DPH6: variants seen among roughly 807,000 people sequenced by gnomAD.
The protein encoded by DPH6 is diphthamine biosynthesis 6, also known as diphthine--ammonia ligase.
In DPH6, 33 loss-of-function variants were observed where a neutral mutation model predicts 38.2. The ratio of observed to expected loss-of-function variants is 0.86; its 90% CI spans 0.65 to 1.15. The LOEUF (loss-of-function observed/expected upper bound fraction) is 1.15. Ranked by LOEUF, DPH6 falls within the 50% of genes most tolerant of loss-of-function variation. The pLI is 0.00. For synonymous variants in DPH6, 108 were observed against 103.0 expected (o/e 1.05, Z -0.30); for missense variants, 325 against 320.0 (o/e 1.02, Z -0.12).
At chr15:35,289,790 G>A (rs1167026820) in intron 3 of DPH6, among the ~76,000 whole-genome samples, 1 of 152,146 alleles carries the variant, frequency 6.6e-6, no homozygotes, top group African/African-American at 2.4e-5. Context: ...CAAAATAAAG[G>A]TTTTAAATAC....
chr15:35,293,868 C>A (rs561707424), intron 3 of DPH6, among the ~76,000 whole-genome samples: 2 of 152,270 alleles, frequency 1.3e-5, no homozygotes, highest in Admixed American at 6.5e-5. Flanking sequence ...GGACTTTTGT[C>A]CAAGATTAGC....
intron 3 of DPH6, among the ~76,000 whole-genome samples, chr15:35,311,062 AAAC>A (rs10648219): frequency 2.7e-5 from 4 of 150,584 alleles, no homozygotes; most frequent in African/African-American, 7.5e-5. Flanking sequence ...GCCACCTCAA[AAAC>A]AACAACAACA....
At chr15:35,263,573 T>G (rs1001662871) in intron 3 of DPH6, among the ~76,000 whole-genome samples, 1 of 151,662 alleles carries the variant, frequency 6.6e-6, no homozygotes, top group Non-Finnish European at 1.5e-5. Flanking sequence ...TGTCTAACTT[T>G]TTATTTTTAT....
chr15:35,162,192 A>G, the DPH6 span, among the ~76,000 whole-genome samples: 1 of 151,924 alleles, frequency 6.6e-6, no homozygotes, highest in African/African-American at 2.4e-5. Flanking sequence ...CCAGTCTTTC[A>G]CATGCCCAAG....
At chr15:35,447,744 C>G in intron 5 of DPH6, among the ~76,000 whole-genome samples, 1 of 152,076 alleles carries the variant, frequency 6.6e-6, no homozygotes. Flanking sequence ...ACAACACTTT[C>G]CTTTGGTATG....
the DPH6 span, among the ~76,000 whole-genome samples, chr15:35,185,807 A>G: frequency 7.3e-6 from 1 of 136,450 alleles, no homozygotes; most frequent in African/African-American, 2.8e-5. Context: ...TCATCGGCTC[A>G]CTGCAAGCTC....
chr15:35,299,605 G>A (rs2052041341), intron 3 of DPH6, among the ~76,000 whole-genome samples: 1 of 152,134 alleles, frequency 6.6e-6, no homozygotes, highest in Non-Finnish European at 1.5e-5. Context: ...CTGGGAGAGC[G>A]CGCCCCATCT....
At chr15:35,164,286 T>A in the DPH6 span, among the ~76,000 whole-genome samples, 1 of 151,916 alleles carries the variant, frequency 6.6e-6, no homozygotes, top group Non-Finnish European at 1.5e-5. Context: ...CTACTTTCAT[T>A]TTTTAAAATG....
At chr15:35,416,532 C>T (rs2141004644) in intron 5 of DPH6, among the ~76,000 whole-genome samples, 1 of 152,040 alleles carries the variant, frequency 6.6e-6, no homozygotes, top group East Asian at 1.9e-4. Context: ...ATATAATAGC[C>T]TGCAGACTCT....
intron 3 of DPH6, among the ~76,000 whole-genome samples, chr15:35,361,038 C>A (rs1427111274): frequency 6.6e-6 from 1 of 152,156 alleles, no homozygotes; most frequent in Non-Finnish European, 1.5e-5. Context: ...AAGGTATAAG[C>A]CAACCTGATT....
Position 35,387,615 on chromosome 15 carries a change from C to G in DPH6, c.568-5699G>C, listed in dbSNP as rs1230494762. 4.6e-5 allele frequency among the ~76,000 whole-genome samples: 7 copies of G among 152,120 alleles called. No homozygotes were observed. The South Asian group carries it at 6.2e-4, about 14-fold the overall frequency. The stretch of plus-strand genomic sequence containing the variant: ...TTCTGTTTGAAGCAATTGTGAATGG[C>G]AGTTCACTCATGATTTGGCTCTCTG... On this transcript the variant is annotated intron_variant, in intron 6 of 8. Coordinates refer to ENST00000256538, the MANE Select transcript of DPH6 (RefSeq NM_080650.4).
chr15:35,185,688 TG>T, the DPH6 span, among the ~76,000 whole-genome samples: 1 of 150,910 alleles, frequency 6.6e-6, no homozygotes, highest in Non-Finnish European at 1.5e-5. Flanking sequence ...AATTATAGAC[TG>T]GACAAAGTCA....
the DPH6 span, among the ~76,000 whole-genome samples, chr15:35,209,614 G>C: frequency 1.3e-5 from 2 of 152,046 alleles, no homozygotes; most frequent in South Asian, 4.1e-4. Context: ...GTGATACATG[G>C]GCAGAAATAT....
downstream of DPH6, among the ~76,000 whole-genome samples, chr15:35,216,752 G>A (rs956198483): frequency 2.0e-5 from 3 of 152,162 alleles, no homozygotes; most frequent in Non-Finnish European, 4.4e-5. Flanking sequence ...CATGCCAAGA[G>A]GGCCATTGAA....
chr15:35,322,522 T>G (rs2052249572), intron 3 of DPH6, among the ~76,000 whole-genome samples: 1 of 152,216 alleles, frequency 6.6e-6, no homozygotes, highest in Non-Finnish European at 1.5e-5. Context: ...TTTCTAATAA[T>G]TTTTGGTCAT....
At chr15:35,314,205 A>G (rs1300512874) in intron 3 of DPH6, among the ~76,000 whole-genome samples, 1 of 152,210 alleles carries the variant, frequency 6.6e-6, no homozygotes, top group East Asian at 1.9e-4. Context: ...ACTCAATATC[A>G]GTAATCAGAG....
intron 3 of DPH6, among the ~76,000 whole-genome samples, chr15:35,288,287 T>G (rs567591461): frequency 1.4e-4 from 22 of 152,284 alleles, no homozygotes; most frequent in African/African-American, 5.1e-4. Context: ...TTTCCAAGAT[T>G]TTACCTTTAG....
intron 3 of DPH6, among the ~76,000 whole-genome samples, chr15:35,464,721 C>T (rs1322895261): frequency 1.3e-5 from 2 of 152,142 alleles, no homozygotes; most frequent in Non-Finnish European, 2.9e-5. Flanking sequence ...TAGTCCTATT[C>T]TAATCACCAA....
At chr15:35,214,270 A>G (rs2051401877), downstream of DPH6, among the ~76,000 whole-genome samples, 1 of 152,120 alleles carries the variant, frequency 6.6e-6, no homozygotes, top group Admixed American at 6.6e-5. Flanking sequence ...TCATAGGGCT[A>G]CTCTGAATTT....
Sources: gnomAD v4.1 joint callset for allele counts (sites outside exome capture counted in the v4.1 genomes callset) on GRCh38, gnomAD v4.1.1 for gene constraint, MANE v1.5 for transcripts, NCBI Gene and HGNC (gene_info 2026-07-23, HGNC 2026-07-21) for gene names.